AGO3: variants seen among roughly 807,000 people sequenced by gnomAD.
AGO3 encodes the protein argonaute RISC catalytic component 3.
AGO3 carries 16 observed loss-of-function variants against 105.5 expected under a neutral mutation model. That is an observed-to-expected ratio of 0.15 (90% confidence interval 0.10 to 0.23). The LOEUF (loss-of-function observed/expected upper bound fraction) is 0.23, where lower values mean the gene tolerates loss of function less well. AGO3 is among the 10% of genes least tolerant of loss of function. The pLI, the probability that AGO3 is intolerant of heterozygous loss-of-function variation, is 1.00. For missense variants in AGO3, 534 were observed against 1,088.0 expected (o/e 0.49, Z 7.16); for synonymous variants, 340 against 367.3 (o/e 0.93, Z 0.85).
chr1:35,965,882 A>G lies in AGO3; in HGVS notation c.192-1073A>G, dbSNP rs377669363. 1.3e-3 allele frequency among the ~76,000 whole-genome samples: 184 copies of G among 147,108 alleles called. 3 individuals carry two copies. The highest frequency in any genetic ancestry group is 0.011 in the South Asian group (53 of 4,690). On this transcript the variant is annotated intron_variant, in intron 2 of 18. Coordinates refer to ENST00000373191, the MANE Select transcript of AGO3 (RefSeq NM_024852.4). ...CTCTTGTTGCCCAGGCTGGAGTTCAATGGCGTGATCTCGGCTCACCACAAC... is the reference window on the plus strand; with the variant it reads ...CTCTTGTTGCCCAGGCTGGAGTTCAGTGGCGTGATCTCGGCTCACCACAAC...
intron 5 of AGO3, among the ~76,000 whole-genome samples, chr1:35,996,667 A>G (rs1360765250): frequency 6.6e-6 from 1 of 151,946 alleles, no homozygotes; most frequent in East Asian, 1.9e-4. Flanking sequence ...GCTACTCAGG[A>G]AGCTGAGGCA....
chr1:36,013,169 G>A (rs1313222418), intron 9 of AGO3, among the ~76,000 whole-genome samples: 2 of 152,054 alleles, frequency 1.3e-5, no homozygotes, highest in Non-Finnish European at 2.9e-5. Context: ...GAGCTCCTGA[G>A]CTCAAGCAGT....
intron 17 of AGO3, among the ~76,000 whole-genome samples, chr1:36,044,392 T>G (rs1337286161): frequency 2.0e-5 from 3 of 152,036 alleles, no homozygotes; most frequent in African/African-American, 7.2e-5. Context: ...GCTTTAGTTT[T>G]TTTTTGTTGT....
intron 5 of AGO3, among the ~76,000 whole-genome samples, chr1:35,997,006 A>G (rs1474565241): frequency 6.6e-6 from 1 of 152,208 alleles, no homozygotes; most frequent in Non-Finnish European, 1.5e-5. Context: ...GGCCAGACGC[A>G]GTGGCTCTCG....
chr1:36,001,065 G>A (rs529234419), intron 5 of AGO3, among the ~76,000 whole-genome samples: 4 of 151,946 alleles, frequency 2.6e-5, no homozygotes, highest in African/African-American at 9.6e-5. Flanking sequence ...GTGAAACCCC[G>A]TCTCCACTAA....
chr1:35,943,941 T>A (rs970650658), intron 1 of AGO3, among the ~76,000 whole-genome samples: 2 of 152,170 alleles, frequency 1.3e-5, no homozygotes, highest in South Asian at 4.1e-4. Context: ...AAGTTAATCA[T>A]GTTTTAGTGT....
chr1:36,001,305 A>C (rs1436962722), intron 5 of AGO3, among the ~76,000 whole-genome samples: 2 of 152,162 alleles, frequency 1.3e-5, no homozygotes, highest in Non-Finnish European at 2.9e-5. Context: ...AAATAAATAC[A>C]TACACATACG....
At position 36,055,564 on chromosome 1, in the gene AGO3, A is replaced by C. The variant is rs954709311; in HGVS notation, c.2475-73A>C. Reference sequence around the variant, plus strand: ...TAATAATTTTGAAATTTTCTACAACAAATAGTATTTTTCGGAATTATTACA... The same window carrying C: ...TAATAATTTTGAAATTTTCTACAACCAATAGTATTTTTCGGAATTATTACA... On this transcript the variant is annotated intron_variant, in intron 18 of 18. Coordinates refer to ENST00000373191, the MANE Select transcript of AGO3 (RefSeq NM_024852.4). This position sits in a 1 kb window ranked among gnomAD's most constrained non-coding sequence, Gnocchi z 4.4. 7.2e-7 allele frequency: 1 copy of C among 1,392,396 alleles called. No individual in the cohort carries two copies. The highest frequency in any genetic ancestry group is 1.0e-6 in the Non-Finnish European group (1 of 983,970). 86.3% of individuals were successfully genotyped at this position (1,392,396 alleles called of 1,614,324 possible).
intron 11 of AGO3, among the ~76,000 whole-genome samples, chr1:36,014,771 CA>C (rs58580607): frequency 1.5e-3 from 88 of 58,566 alleles, no homozygotes; most frequent in South Asian, 2.5e-3. Flanking sequence ...ACTCTGTCTC[CA>C]AAAAAAAAAA....
intron 5 of AGO3, among the ~76,000 whole-genome samples, chr1:35,997,807 C>T (rs1024091122): frequency 1.3e-5 from 2 of 152,094 alleles, no homozygotes; most frequent in Admixed American, 1.3e-4. Context: ...AGTAATTCTC[C>T]TGCCTCAGCC....
chr1:35,996,144 G>GTT (rs1639792053), intron 5 of AGO3, among the ~76,000 whole-genome samples: 3 of 152,020 alleles, frequency 2.0e-5, no homozygotes, highest in African/African-American at 7.2e-5. Flanking sequence ...TTTGAGACCA[G>GTT]CCTGGGCAAC....
At chr1:36,052,269 A>G (rs1396073122) in intron 17 of AGO3, among the ~76,000 whole-genome samples, 1 of 152,228 alleles carries the variant, frequency 6.6e-6, no homozygotes, top group Non-Finnish European at 1.5e-5. Flanking sequence ...GGCAACATGG[A>G]TGAGTCTGGA....
chr1:36,046,135 C>T (rs1188797822), intron 17 of AGO3, among the ~76,000 whole-genome samples: 2 of 152,138 alleles, frequency 1.3e-5, no homozygotes, highest in South Asian at 2.1e-4. Context: ...TGGGGAGTTG[C>T]CTGGAGTCCA....
chr1:36,043,306 T>A, intron 16 of AGO3, 141 bp from the exon 17 acceptor site: 2 of 675,674 alleles, frequency 3.0e-6, no homozygotes, highest in East Asian at 5.5e-5. Context: ...TAGTCTGCTC[T>A]GAATGACTGC....
At chr1:36,013,852 T>TA in intron 10 of AGO3, 63 bp from the exon 11 acceptor site, 1 of 1,602,394 alleles carries the variant, frequency 6.2e-7, no homozygotes, top group East Asian at 2.2e-5. Flanking sequence ...TTGAAATGTT[T>TA]ACTTTCTGTT....
intron 16 of AGO3, among the ~76,000 whole-genome samples, chr1:36,041,158 G>A (rs1055861807): frequency 2.0e-5 from 3 of 148,530 alleles, no homozygotes; most frequent in Non-Finnish European, 4.4e-5. Context: ...ATTATTTTAT[G>A]CATTTTATAA....
chr1:36,037,692 C>A (rs1642072241), intron 14 of AGO3, among the ~76,000 whole-genome samples: 1 of 151,974 alleles, frequency 6.6e-6, no homozygotes, highest in African/African-American at 2.4e-5. Context: ...TAATTTTTAT[C>A]TATTAATTCT....
intron 17 of AGO3, among the ~76,000 whole-genome samples, chr1:36,047,509 C>G (rs1209099164): frequency 1.3e-5 from 2 of 151,376 alleles, no homozygotes; most frequent in Non-Finnish European, 2.9e-5. Context: ...TATGAAACAC[C>G]AGTAAGCAAA....
At chr1:35,974,142 T>C (rs1053608858) in intron 5 of AGO3, among the ~76,000 whole-genome samples, 1 of 152,222 alleles carries the variant, frequency 6.6e-6, no homozygotes, top group Non-Finnish European at 1.5e-5. Context: ...CTATGGATAT[T>C]TTCTTATAGC....
Sources: gnomAD v4.1 joint callset for allele counts (sites outside exome capture counted in the v4.1 genomes callset) on GRCh38, gnomAD v4.1.1 for gene constraint, Gnocchi (gnomAD v3.1) non-coding constraint, MANE v1.5 for transcripts, NCBI Gene and HGNC (gene_info 2026-07-23, HGNC 2026-07-21) for gene names.